The following CERS6 variants were observed in gnomAD, a reference collection of about 807,000 sequenced individuals.
The protein encoded by CERS6 is ceramide synthase 6.
Under a neutral mutation model 56.8 loss-of-function variants are expected in CERS6, and 26 were observed. That is an observed-to-expected ratio of 0.46 (90% CI 0.34 to 0.63). The LOEUF (loss-of-function observed/expected upper bound fraction) is 0.63. Ranked by LOEUF, CERS6 falls within the 30% of genes least tolerant of loss-of-function variation. The pLI is 0.01. For synonymous variants in CERS6, 164 were observed against 173.3 expected, an observed-to-expected ratio of 0.95 and a Z score of 0.42; for missense variants, 415 against 467.5, an observed-to-expected ratio of 0.89 and a Z score of 1.04.
intron 8 of CERS6, among the ~76,000 whole-genome samples, chr2:168,745,208 C>T (rs1426088828): frequency 6.6e-6 from 1 of 151,934 alleles, no homozygotes; most frequent in Admixed American, 6.6e-5. Context: ...GTATTATGTA[C>T]ATGCTCCAAA....
intron 6 of CERS6, among the ~76,000 whole-genome samples, chr2:168,711,055 C>T (rs547661658): frequency 6.6e-6 from 1 of 152,316 alleles, no homozygotes; most frequent in African/African-American, 2.4e-5. Flanking sequence ...CGTTGCACTT[C>T]ATTTCTTAAA....
intron 5 of CERS6, among the ~76,000 whole-genome samples, chr2:168,691,626 G>A (rs1457329560): frequency 1.3e-5 from 2 of 152,192 alleles, no homozygotes; most frequent in Non-Finnish European, 2.9e-5. Context: ...TTGAAAGTGA[G>A]ATTAAAATCA....
At chr2:168,660,869 T>C (rs1173005730) in intron 4 of CERS6, among the ~76,000 whole-genome samples, 1 of 152,248 alleles carries the variant, frequency 6.6e-6, no homozygotes, top group African/African-American at 2.4e-5. Context: ...AATTTCCATA[T>C]TGATCATCTC....
At chr2:168,555,849 C>A (rs1006264668) in intron 2 of CERS6, among the ~76,000 whole-genome samples, 1 of 151,636 alleles carries the variant, frequency 6.6e-6, no homozygotes, top group Non-Finnish European at 1.5e-5. Flanking sequence ...TTTTCATTAA[C>A]CCAAAGTGTT....
Position 168,456,652 on chromosome 2 carries a change from CT to C in CERS6, c.170+35del, listed in dbSNP as rs1693662743. 7.5e-6 allele frequency: 12 copies of C among 1,601,170 alleles called. No individual in the cohort carries two copies. Among genetic ancestry groups the C allele is most frequent in the Non-Finnish European group, 1.0e-5 (12 of 1,172,204 alleles). ...GGCTGAAGCCCCTCCTCCCCTCCCC[CT>C]GCGCACACACACGCGCGCACACACT... On this transcript the variant is annotated intron_variant, in intron 1 of 9. Transcript: ENST00000305747. The surrounding 1 kb of genome is among the most constrained non-coding windows in gnomAD (Gnocchi z 4.1).
chr2:168,645,964 A>T, intron 4 of CERS6, among the ~76,000 whole-genome samples: 1 of 152,166 alleles, frequency 6.6e-6, no homozygotes, highest in East Asian at 1.9e-4. Flanking sequence ...GGTTGATTCC[A>T]TGTCTTTGCT....
At chr2:168,519,324 G>A (rs1420291760) in intron 1 of CERS6, among the ~76,000 whole-genome samples, 2 of 152,012 alleles carry the variant, frequency 1.3e-5, no homozygotes, top group Non-Finnish European at 2.9e-5. Context: ...AAGGGATGTG[G>A]TCTTAAATAA....
intron 4 of CERS6, among the ~76,000 whole-genome samples, chr2:168,679,977 G>A (rs781650672): frequency 5.3e-5 from 8 of 152,192 alleles, no homozygotes; most frequent in African/African-American, 1.7e-4. Context: ...GCATGAAACC[G>A]CAGGGAAGCA....
intron 3 of CERS6, among the ~76,000 whole-genome samples, chr2:168,574,111 A>G (rs1412339445): frequency 6.6e-6 from 1 of 152,042 alleles, no homozygotes; most frequent in African/African-American, 2.4e-5. Flanking sequence ...TTCCTCTCCC[A>G]TTTTAGTCGG....
At chr2:168,633,789 A>C (rs895791249) in intron 4 of CERS6, among the ~76,000 whole-genome samples, 1 of 152,226 alleles carries the variant, frequency 6.6e-6, no homozygotes, top group Non-Finnish European at 1.5e-5. Context: ...GAATACCTTA[A>C]ATTTCAGAAA....
chr2:168,561,138 A>G, intron 2 of CERS6, 54 bp from the exon 3 acceptor site: 1 of 1,592,140 alleles, frequency 6.3e-7, no homozygotes. Flanking sequence ...AGATCTGTTT[A>G]TAGTGAAAAT....
intron 3 of CERS6, among the ~76,000 whole-genome samples, chr2:168,602,164 C>T (rs994540452): frequency 2.0e-5 from 3 of 152,002 alleles, no homozygotes; most frequent in African/African-American, 2.4e-5. Context: ...AAGCATTGGC[C>T]GATTCTTTTT....
At chr2:168,630,301 T>TACAC (rs3066962) in intron 3 of CERS6, among the ~76,000 whole-genome samples, 1 of 140,020 alleles carries the variant, frequency 7.1e-6, no homozygotes, top group Non-Finnish European at 1.6e-5. Context: ...GTAATAAGTA[T>TACAC]ACACACACAC....
chr2:168,662,599 C>T (rs767204738), intron 4 of CERS6, among the ~76,000 whole-genome samples: 2 of 152,132 alleles, frequency 1.3e-5, no homozygotes, highest in Non-Finnish European at 2.9e-5. Context: ...GGCGTGGTGG[C>T]GGGCGGCTGT....
At chr2:168,657,715 G>A (rs1295391723) in intron 4 of CERS6, among the ~76,000 whole-genome samples, 2 of 152,232 alleles carry the variant, frequency 1.3e-5, no homozygotes. Context: ...GGCCAGCAGG[G>A]CAGGCTGGCT....
chr2:168,456,505 C>A lies in CERS6; in HGVS notation c.57C>A (p.Val19=), dbSNP rs1693656408. The A allele has an allele frequency of 6.2e-7, 1 of 1,613,862 alleles. No individual in the cohort carries two copies. The highest frequency in any genetic ancestry group is 8.5e-7 in the Non-Finnish European group (1 of 1,179,874). Residue 19 remains valine, a synonymous_variant, in exon 1 of 10, where the codon GTC becomes GTA. Transcript: ENST00000305747. The surrounding 1 kb of genome is among the most constrained non-coding windows in gnomAD (Gnocchi z 4.1). ...WNERFWLPHN[V]TWADLKNTEE... is the part of the protein sequence containing the mutation. ...AGAGGTTTTGGCTCCCGCACAATGT[C>A]ACCTGGGCGGACCTGAAGAACACGG...
chr2:168,544,623 GGAT>G (rs1695430253), intron 1 of CERS6, among the ~76,000 whole-genome samples: 1 of 152,112 alleles, frequency 6.6e-6, no homozygotes, highest in Non-Finnish European at 1.5e-5. Context: ...GGCCAGGTGT[GGAT>G]GAGCTTAGAC....
At chr2:168,654,090 G>A (rs1685411073) in intron 4 of CERS6, among the ~76,000 whole-genome samples, 1 of 152,088 alleles carries the variant, frequency 6.6e-6, no homozygotes, top group Non-Finnish European at 1.5e-5. Context: ...AAAGACATCA[G>A]CACCTAGGAA....
intron 8 of CERS6, among the ~76,000 whole-genome samples, chr2:168,746,982 G>T (rs529534548): frequency 1.3e-4 from 19 of 151,278 alleles, no homozygotes; most frequent in African/African-American, 4.6e-4. Context: ...TACCATTTTG[G>T]CATATGTTCA....
Sources: allele counts gnomAD v4.1 joint callset (sites outside exome capture counted in the v4.1 genomes callset), GRCh38; gene constraint gnomAD v4.1.1; non-coding constraint Gnocchi (gnomAD v3.1); transcripts MANE v1.5; gene names NCBI Gene and HGNC (gene_info 2026-07-23, HGNC 2026-07-21).